TSPAN12: variants seen among roughly 807,000 people sequenced by gnomAD.
TSPAN12 encodes tetraspanin 12.
Under a neutral mutation model 39.2 loss-of-function variants are expected in TSPAN12, and 19 were observed. That is an observed-to-expected ratio of 0.49 (90% CI 0.34 to 0.71). TSPAN12 has a LOEUF of 0.71. Among genes scored for constraint, TSPAN12 ranks in the 30% least tolerant of loss-of-function variants. The pLI is 0.01. For synonymous variants in TSPAN12, 119 were observed against 124.8 expected (o/e 0.95, Z 0.31); for missense variants, 314 against 359.9 (o/e 0.87, Z 1.03).
intron 7 of TSPAN12, among the ~76,000 whole-genome samples, chr7:120,794,682 C>T (rs1415208826): frequency 1.3e-5 from 2 of 152,178 alleles, no homozygotes; most frequent in African/African-American, 4.8e-5. Flanking sequence ...AATTGCCTAA[C>T]ACAGGTGTCA....
Position 120,840,166 on chromosome 7 carries a change from G to A in TSPAN12, c.67-57C>T, listed in dbSNP as rs534518799. 4.9e-5 allele frequency: 61 copies of A among 1,243,412 alleles called. 1 individual carries two copies. The South Asian group carries it at 6.8e-4, about 14-fold the overall frequency. 77.0% of individuals were successfully genotyped at this position (1,243,412 alleles called of 1,614,324 possible). On this transcript the variant is annotated intron_variant, in intron 2 of 7. Coordinates refer to ENST00000222747, the MANE Select transcript of TSPAN12 (RefSeq NM_012338.4). ...AAGATTTACGTAACATTCACTGCAG[G>A]ATTAATAATAGGAAAATTAAGGATT...
Position 120,806,574 on chromosome 7 carries a change from T to C in TSPAN12, c.587A>G (p.Glu196Gly), listed in dbSNP as rs779474330. The stretch of plus-strand genomic sequence containing the variant: ...CTCTTGATAAAGGTCACTGAGATCT[T>C]CCTGGTGGGCCTGTTTGGAACATCC... ...FPGCSKQAHQ[E>G]DLSDLYQEGC... Residue 196 changes from glutamate to glycine, a missense_variant, in exon 7 of 8, where the codon GAA becomes GGA. Coordinates refer to ENST00000222747, the MANE Select transcript of TSPAN12 (RefSeq NM_012338.4). 16 of 1,613,398 alleles carry C rather than the reference T, an allele frequency of 9.9e-6. No homozygotes were observed. The highest frequency in any genetic ancestry group is 1.7e-5 in the Admixed American group (1 of 59,936).
At chr7:120,830,009 A>C (rs965074223) in intron 4 of TSPAN12, among the ~76,000 whole-genome samples, 1 of 152,110 alleles carries the variant, frequency 6.6e-6, no homozygotes, top group Non-Finnish European at 1.5e-5. Context: ...TCTCTGACAC[A>C]ACATTTACTT....
chr7:120,837,163 T>G (rs1794492743), intron 4 of TSPAN12, among the ~76,000 whole-genome samples: 1 of 152,242 alleles, frequency 6.6e-6, no homozygotes, highest in Admixed American at 6.5e-5. Flanking sequence ...TCCTTTTGTT[T>G]ATGTTTAAAT....
At chr7:120,788,987 A>G in intron 7 of TSPAN12, 90 bp from the exon 8 acceptor site, 2 of 1,324,866 alleles carry the variant, frequency 1.5e-6, no homozygotes, top group Middle Eastern at 2.5e-4. Flanking sequence ...GTATCAGTTA[A>G]TGAAATCAGA....
intron 4 of TSPAN12, among the ~76,000 whole-genome samples, chr7:120,824,000 G>A (rs116106126): frequency 1.4e-3 from 213 of 152,248 alleles, no homozygotes; most frequent in African/African-American, 4.2e-3. Context: ...AGGGTTATGC[G>A]AGGTAAAGGA....
chr7:120,826,387 A>G (rs1352696685), intron 4 of TSPAN12, among the ~76,000 whole-genome samples: 5 of 152,200 alleles, frequency 3.3e-5, no homozygotes, highest in African/African-American at 1.2e-4. Context: ...CACCATGTAC[A>G]TGGTGTCTAT....
Position 120,856,741 on chromosome 7 carries a change from T to C in TSPAN12, c.23A>G (p.Lys8Arg). MAREDSVKCLRCLLYALN... is the reference protein window; with the variant it reads MAREDSVRCLRCLLYALN... Reference sequence around the variant, plus strand: ...GGCGTAGAGCAGGCAGCGCAGACACTTCACGGAATCTTCTCTGGCCATTGT... The same window carrying C: ...GGCGTAGAGCAGGCAGCGCAGACACCTCACGGAATCTTCTCTGGCCATTGT... The change falls in exon 2 of 8, where the codon AAG becomes AGG. Residue 8 changes from lysine (K) to arginine (R), a missense_variant. Coordinates refer to ENST00000222747, the MANE Select transcript of TSPAN12 (RefSeq NM_012338.4). 6.2e-7 allele frequency: 1 copy of C among 1,614,190 alleles called. No homozygotes were observed. Among genetic ancestry groups the C allele is most frequent in the Non-Finnish European group, 8.5e-7 (1 of 1,180,022 alleles).
At position 120,799,784 on chromosome 7, in the gene TSPAN12, T is replaced by C. The variant is rs373571010; in HGVS notation, c.612+6765A>G. On this transcript the variant is annotated intron_variant, in intron 7 of 7. Transcript: ENST00000222747. ...ATACATATAATTTAATTAAATTATA[T>C]ATAATAAATATATTAAATATTTATT... Among the ~76,000 whole-genome samples, 19 of 135,658 alleles carry C rather than the reference T, an allele frequency of 1.4e-4. No homozygotes were observed. In the East Asian group the frequency reaches 2.9e-3, roughly 20 times the overall value. The allele number at this position is 135,658 out of a possible 152,430, so 89.0% of individuals were successfully genotyped here.
intron 4 of TSPAN12, among the ~76,000 whole-genome samples, chr7:120,818,881 C>T (rs778152728): frequency 6.6e-5 from 10 of 152,058 alleles, no homozygotes; most frequent in African/African-American, 4.8e-5. Flanking sequence ...GAAGAAATTT[C>T]GTGAGCATAG....
chr7:120,799,537 TATATAATTATATATATAATTAA>T (rs1793706083), intron 7 of TSPAN12, among the ~76,000 whole-genome samples: 1 of 107,848 alleles, frequency 9.3e-6, no homozygotes, highest in Non-Finnish European at 1.8e-5. Flanking sequence ...TATATAATTA[TATATAATTATATATATAATTAA>T]ATATAATTAT....
At chr7:120,796,338 C>T (rs1360411986) in intron 7 of TSPAN12, among the ~76,000 whole-genome samples, 2 of 152,150 alleles carry the variant, frequency 1.3e-5, no homozygotes, top group Non-Finnish European at 2.9e-5. Flanking sequence ...CGCACATAAC[C>T]AGAAAATACA....
chr7:120,814,785 A>C (rs1461596851), intron 5 of TSPAN12, among the ~76,000 whole-genome samples: 2 of 152,226 alleles, frequency 1.3e-5, no homozygotes, highest in African/African-American at 4.8e-5. Context: ...AACTGCTGAA[A>C]TAAAAGATAA....
At chr7:120,813,542 T>C (rs1184452548) in intron 5 of TSPAN12, among the ~76,000 whole-genome samples, 2 of 152,256 alleles carry the variant, frequency 1.3e-5, no homozygotes, top group Admixed American at 1.3e-4. Context: ...TAATTCATTT[T>C]GAACTTGCTG....
chr7:120,853,102 T>TG (rs2116508638), intron 2 of TSPAN12, among the ~76,000 whole-genome samples: 1 of 151,792 alleles, frequency 6.6e-6, no homozygotes, highest in East Asian at 1.9e-4. Context: ...TTTTTTTTTT[T>TG]TTTTTAATTT....
intron 2 of TSPAN12, among the ~76,000 whole-genome samples, chr7:120,846,985 A>T (rs1193181082): frequency 6.6e-6 from 1 of 152,166 alleles, no homozygotes; most frequent in Non-Finnish European, 1.5e-5. Flanking sequence ...GGTAAGCAAA[A>T]TTGGCACATG....
intron 5 of TSPAN12, among the ~76,000 whole-genome samples, chr7:120,812,802 TTATC>T (rs1253376035): frequency 2.6e-5 from 4 of 152,106 alleles, no homozygotes; most frequent in African/African-American, 7.2e-5. Flanking sequence ...GTGAAATAAA[TTATC>T]TAGAAATGTA....
At chr7:120,846,811 A>G (rs985107449) in intron 2 of TSPAN12, among the ~76,000 whole-genome samples, 4 of 152,252 alleles carry the variant, frequency 2.6e-5, no homozygotes, top group African/African-American at 9.6e-5. Flanking sequence ...GTTTCTGTAC[A>G]AATTCCTTTG....
In TSPAN12 at chr7:120,856,680, G is replaced by T. The variant is rs536576516; in HGVS notation, c.66+18C>A. The T allele has an allele frequency of 4.3e-6, 7 of 1,613,776 alleles. No homozygotes were observed. The highest frequency in any genetic ancestry group is 1.3e-5 in the African/African-American group (1 of 74,944). ...GAGCCAGCCGTTCCCACCTGTTGGT[G>T]CAGTGAAACTTACTTACCCAAAAGA... On this transcript the variant is annotated intron_variant, in intron 2 of 7. Transcript: ENST00000222747.
Sources: gnomAD v4.1 joint callset for allele counts (sites outside exome capture counted in the v4.1 genomes callset) on GRCh38, gnomAD v4.1.1 for gene constraint, MANE v1.5 for transcripts, NCBI Gene and HGNC (gene_info 2026-07-23, HGNC 2026-07-21) for gene names.